The following BBS9 variants were observed in gnomAD, a reference collection of about 807,000 sequenced individuals.
BBS9 encodes the protein protein PTHB1.
BBS9 carries 89 observed loss-of-function variants against 117.7 expected under a neutral mutation model. The ratio of observed to expected loss-of-function variants is 0.76; its 90% CI spans 0.64 to 0.90. BBS9 has a LOEUF of 0.90. Among genes scored for constraint, BBS9 ranks in the 40% least tolerant of loss-of-function variants. BBS9 has a pLI of 0.00. For synonymous variants in BBS9, 379 were observed against 370.9 expected, an observed-to-expected ratio of 1.02 and a Z score of -0.25; for missense variants, 982 against 1,042.2, an observed-to-expected ratio of 0.94 and a Z score of 0.80.
intron 9 of BBS9, among the ~76,000 whole-genome samples, chr7:33,301,641 T>C (rs1806470763): frequency 6.6e-6 from 1 of 152,196 alleles, no homozygotes; most frequent in Non-Finnish European, 1.5e-5. Context: ...TATTCTATTG[T>C]GTATAGGTAC....
intron 5 of BBS9, among the ~76,000 whole-genome samples, chr7:33,226,685 A>G (rs1791348085): frequency 6.6e-6 from 1 of 152,248 alleles, no homozygotes; most frequent in Admixed American, 6.5e-5. Context: ...GTGTATATGT[A>G]CAATGGAATA....
At chr7:33,429,123 T>C (rs1287667108) in intron 19 of BBS9, among the ~76,000 whole-genome samples, 4 of 152,194 alleles carry the variant, frequency 2.6e-5, no homozygotes, top group African/African-American at 9.6e-5. Flanking sequence ...GTGGAGCATG[T>C]ATTAACTTTC....
chr7:33,421,352 C>T (rs1832833085), intron 19 of BBS9, among the ~76,000 whole-genome samples: 1 of 152,034 alleles, frequency 6.6e-6, no homozygotes, highest in African/African-American at 2.4e-5. Flanking sequence ...TAAAAATACT[C>T]CCTGTCATAC....
At chr7:33,474,922 T>A (rs981168985) in intron 19 of BBS9, among the ~76,000 whole-genome samples, 6 of 152,140 alleles carry the variant, frequency 3.9e-5, no homozygotes, top group Non-Finnish European at 5.9e-5. Context: ...TCCAGCCTGG[T>A]GACAGTGAGA....
At chr7:33,434,283 A>C (rs1334290684) in intron 19 of BBS9, among the ~76,000 whole-genome samples, 1 of 151,994 alleles carries the variant, frequency 6.6e-6, no homozygotes. Context: ...TTTGCTAAAA[A>C]AAAAAAAAAA....
Position 33,383,957 on chromosome 7 carries a change from A to T in BBS9, c.1962+119A>T, listed in dbSNP as rs185232329. The T allele has an allele frequency of 1.0e-5, 11 of 1,084,978 alleles. No homozygotes were observed. The African/African-American group carries it at 1.3e-4, about 13-fold the overall frequency. The allele number at this position is 1,084,978 out of a possible 1,614,324, so 67.2% of individuals were successfully genotyped here. ...CTATGTGCTTCTAGTTGTTTTTCTT[A>T]TGTGGATGGTGGATTTCGTGAATCC... On this transcript the variant is annotated intron_variant, in intron 18 of 22. Transcript: ENST00000242067.
chr7:33,248,811 T>C (rs993928581), intron 5 of BBS9, among the ~76,000 whole-genome samples: 7 of 152,212 alleles, frequency 4.6e-5, no homozygotes, highest in African/African-American at 1.7e-4. Context: ...TCTGTTCTTA[T>C]GCATCAGTCT....
chr7:33,620,178 A>G (rs937790854), intron 21 of BBS9, among the ~76,000 whole-genome samples: 4 of 152,034 alleles, frequency 2.6e-5, no homozygotes, highest in African/African-American at 9.7e-5. Flanking sequence ...AATCAAAAAG[A>G]TCTTAAGAGA....
At chr7:33,388,532 A>G (rs1430211318) in intron 19 of BBS9, among the ~76,000 whole-genome samples, 3 of 152,180 alleles carry the variant, frequency 2.0e-5, no homozygotes. Flanking sequence ...TAATTCTCCA[A>G]TTGTCTTACC....
intron 21 of BBS9, among the ~76,000 whole-genome samples, chr7:33,627,399 A>G (rs1269433173): frequency 3.3e-5 from 5 of 152,218 alleles, no homozygotes; most frequent in Non-Finnish European, 5.9e-5. Flanking sequence ...GAGAACCTCT[A>G]CTAGGGCAGT....
At chr7:33,309,654 G>T (rs1005058102) in intron 9 of BBS9, among the ~76,000 whole-genome samples, 2 of 152,188 alleles carry the variant, frequency 1.3e-5, no homozygotes, top group Admixed American at 6.5e-5. Context: ...TGAATGTATG[G>T]TGACCGAGGT....
chr7:33,524,821 G>T (rs1849222922), intron 20 of BBS9, among the ~76,000 whole-genome samples: 1 of 152,064 alleles, frequency 6.6e-6, no homozygotes, highest in Non-Finnish European at 1.5e-5. Context: ...TGCTTTTCTA[G>T]TTCTTTTAAT....
intron 1 of BBS9, among the ~76,000 whole-genome samples, chr7:33,145,741 G>A (rs960683558): frequency 2.6e-5 from 4 of 152,160 alleles, no homozygotes; most frequent in Non-Finnish European, 5.9e-5. Context: ...AAGACTGACT[G>A]TACTAGGTAT....
At chr7:33,422,084 T>C (rs1832935489) in intron 19 of BBS9, among the ~76,000 whole-genome samples, 1 of 152,308 alleles carries the variant, frequency 6.6e-6, no homozygotes, top group Admixed American at 6.5e-5. Context: ...ATTTTTAAAT[T>C]GGGTCATAAG....
At chr7:33,528,246 A>G (rs1431019023) in intron 20 of BBS9, among the ~76,000 whole-genome samples, 2 of 152,120 alleles carry the variant, frequency 1.3e-5, no homozygotes, top group Non-Finnish European at 2.9e-5. Context: ...AACATGGGCC[A>G]TTTCTGAGAG....
At chr7:33,159,219 T>G (rs760823749) in intron 4 of BBS9, among the ~76,000 whole-genome samples, 2 of 152,180 alleles carry the variant, frequency 1.3e-5, no homozygotes, top group Non-Finnish European at 2.9e-5. Context: ...TCCTCTCAAT[T>G]TTGAGAGATT....
At chr7:33,293,660 G>A (rs1322452437) in intron 9 of BBS9, among the ~76,000 whole-genome samples, 1 of 152,048 alleles carries the variant, frequency 6.6e-6, no homozygotes, top group Non-Finnish European at 1.5e-5. Context: ...TCCCTTTTCT[G>A]TATGTCTAAA....
At chr7:33,426,785 A>G (rs1295601124) in intron 19 of BBS9, among the ~76,000 whole-genome samples, 5 of 152,100 alleles carry the variant, frequency 3.3e-5, no homozygotes, top group Admixed American at 1.3e-4. Context: ...ATGAGTGCCT[A>G]GTTGGTATTG....
chr7:33,374,345 GA>G (rs1484254020), intron 17 of BBS9, among the ~76,000 whole-genome samples: 5 of 152,108 alleles, frequency 3.3e-5, no homozygotes, highest in South Asian at 2.1e-4. Context: ...GTCCTTTAAT[GA>G]GGTCAGGAAA....
Sources: allele counts gnomAD v4.1 joint callset (sites outside exome capture counted in the v4.1 genomes callset), GRCh38; gene constraint gnomAD v4.1.1; transcripts MANE v1.5; gene names NCBI Gene and HGNC (gene_info 2026-07-23, HGNC 2026-07-21).